Variants in TRHDE observed in about 807,000 individuals in gnomAD.
TRHDE encodes the protein thyrotropin-releasing hormone-degrading ectoenzyme.
In TRHDE, 72 loss-of-function variants were observed where a neutral mutation model predicts 125.7. That is an observed-to-expected ratio of 0.57 (90% CI 0.47 to 0.70). The LOEUF (loss-of-function observed/expected upper bound fraction) is 0.70, where lower values mean the gene tolerates loss of function less well. Ranked by LOEUF, TRHDE falls within the 30% of genes least tolerant of loss-of-function variation. TRHDE has a pLI of 0.00. For missense variants in TRHDE, 1,110 were observed against 1,327.1 expected (o/e 0.84, Z 2.54); for synonymous variants, 509 against 509.1 (o/e 1.00, Z 0.00).
intron 2 of TRHDE, among the ~76,000 whole-genome samples, chr12:72,108,855 A>G (rs577829837): frequency 4.6e-5 from 7 of 152,256 alleles, no homozygotes; most frequent in Admixed American, 3.9e-4. Context: ...CTTTTTAAAA[A>G]TAGAGAATCA....
At chr12:72,342,934 C>T (rs576428788) in intron 2 of TRHDE, among the ~76,000 whole-genome samples, 6 of 152,082 alleles carry the variant, frequency 3.9e-5, no homozygotes, top group East Asian at 1.9e-4. Flanking sequence ...CACTGTTGTG[C>T]GTGCTTTACA....
At chr12:72,457,552 A>T (rs1007336532) in intron 3 of TRHDE, among the ~76,000 whole-genome samples, 1 of 152,062 alleles carries the variant, frequency 6.6e-6, no homozygotes, top group African/African-American at 2.4e-5. Flanking sequence ...ACCTTTGGGT[A>T]TCGGCGTTTT....
chr12:72,256,793 A>C (rs1878824569), intron 2 of TRHDE: 1 of 152,198 alleles, frequency 6.6e-6, no homozygotes, highest in East Asian at 1.9e-4. Context: ...GGAGAGCTGC[A>C]GTCCTTTGAG....
intron 3 of TRHDE, among the ~76,000 whole-genome samples, chr12:72,442,314 A>C (rs926460667): frequency 6.6e-6 from 1 of 151,832 alleles, no homozygotes; most frequent in African/African-American, 2.4e-5. Flanking sequence ...GAGAGGGCAG[A>C]GATACTTGGG....
chr12:72,589,468 A>C (rs897623691), intron 12 of TRHDE, among the ~76,000 whole-genome samples: 23 of 152,150 alleles, frequency 1.5e-4, no homozygotes, highest in African/African-American at 4.8e-4. Flanking sequence ...TAAGCCCCAC[A>C]TGCATTAGGG....
At chr12:72,557,157 G>A (rs550420263) in intron 7 of TRHDE, among the ~76,000 whole-genome samples, 2 of 152,256 alleles carry the variant, frequency 1.3e-5, no homozygotes, top group South Asian at 4.1e-4. Flanking sequence ...GTTGACAGAT[G>A]ACAAATGTGG....
intron 2 of TRHDE, among the ~76,000 whole-genome samples, chr12:72,117,492 A>C (rs1353971057): frequency 6.6e-6 from 1 of 152,054 alleles, no homozygotes; most frequent in Non-Finnish European, 1.5e-5. Flanking sequence ...CTGTAGCATA[A>C]TTTGAAGTTG....
intron 3 of TRHDE, among the ~76,000 whole-genome samples, chr12:72,409,959 C>CA (rs1873425631): frequency 6.6e-6 from 1 of 151,178 alleles, no homozygotes; most frequent in Non-Finnish European, 1.5e-5. Flanking sequence ...ATAAAACTAT[C>CA]AAAAAAGAAG....
intron 5 of TRHDE, among the ~76,000 whole-genome samples, chr12:72,495,373 A>C (rs147133604): frequency 1.3e-5 from 2 of 152,026 alleles, no homozygotes; most frequent in African/African-American, 4.8e-5. Context: ...CTATTTATTA[A>C]GACCAAGCTT....
At chr12:72,162,339 G>C (rs368701156) in intron 2 of TRHDE, among the ~76,000 whole-genome samples, 1 of 152,160 alleles carries the variant, frequency 6.6e-6, no homozygotes, top group African/African-American at 2.4e-5. Context: ...TGGTTCTGGA[G>C]CCAGCATATT....
chr12:72,602,406 C>T (rs527444255), intron 12 of TRHDE, among the ~76,000 whole-genome samples: 1 of 152,096 alleles, frequency 6.6e-6, no homozygotes, highest in Non-Finnish European at 1.5e-5. Flanking sequence ...AGACAGAGAA[C>T]TCTACAAAAA....
At chr12:72,138,249 C>T (rs1876034162) in intron 2 of TRHDE, among the ~76,000 whole-genome samples, 1 of 152,098 alleles carries the variant, frequency 6.6e-6, no homozygotes, top group Non-Finnish European at 1.5e-5. Flanking sequence ...GTGGTACGCA[C>T]CTGTAGTGCC....
At chr12:72,251,123 C>G (rs1049621645) in intron 2 of TRHDE, among the ~76,000 whole-genome samples, 1 of 151,470 alleles carries the variant, frequency 6.6e-6, no homozygotes, top group South Asian at 2.1e-4. Context: ...ATCCATTTAC[C>G]TTATTCAGAT....
At chr12:72,586,272 T>TAA (rs1206386887) in intron 12 of TRHDE, among the ~76,000 whole-genome samples, 2 of 152,238 alleles carry the variant, frequency 1.3e-5, no homozygotes, top group African/African-American at 2.4e-5. Context: ...AATCTAGTTC[T>TAA]AAGATTTTGT....
At chr12:72,191,291 T>C (rs368906052) in intron 2 of TRHDE, among the ~76,000 whole-genome samples, 100 of 152,254 alleles carry the variant, frequency 6.6e-4, no homozygotes, top group African/African-American at 2.2e-3. Context: ...GCCAGCTTCT[T>C]CTTTCTATAG....
chr12:72,479,410 T>G (rs1303703486), intron 5 of TRHDE, among the ~76,000 whole-genome samples: 1 of 152,030 alleles, frequency 6.6e-6, no homozygotes, highest in Non-Finnish European at 1.5e-5. Context: ...TTGCTTCAAA[T>G]GGAAGACTAG....
intron 1 of TRHDE, among the ~76,000 whole-genome samples, chr12:72,089,748 T>A (rs918184552): frequency 1.3e-5 from 2 of 152,198 alleles, no homozygotes; most frequent in African/African-American, 4.8e-5. Context: ...CTTCCTTACA[T>A]ACTGTATAAT....
intron 2 of TRHDE, among the ~76,000 whole-genome samples, chr12:72,135,839 C>T (rs1373099530): frequency 1.3e-5 from 2 of 152,012 alleles, no homozygotes; most frequent in Admixed American, 6.6e-5. Flanking sequence ...GATGTGCTGC[C>T]CCTGTGGCAT....
At chr12:72,245,446 A>G (rs1008206270) in intron 2 of TRHDE, among the ~76,000 whole-genome samples, 1 of 152,032 alleles carries the variant, frequency 6.6e-6, no homozygotes, top group Non-Finnish European at 1.5e-5. Flanking sequence ...AGGGAAAAAC[A>G]ATAAAAGCAC....
Sources: gnomAD v4.1 joint callset for allele counts (sites outside exome capture counted in the v4.1 genomes callset) on GRCh38, gnomAD v4.1.1 for gene constraint, MANE v1.5 for transcripts, NCBI Gene and HGNC (gene_info 2026-07-23, HGNC 2026-07-21) for gene names.